PLXNA4: variants seen among roughly 807,000 people sequenced by gnomAD.
The protein encoded by PLXNA4 is plexin A4, also known as plexin-A4.
A neutral mutation model predicts 191.8 loss-of-function variants in PLXNA4; 44 were observed. The observed-to-expected ratio is 0.23, with a 90% CI of 0.18 to 0.29. The LOEUF (loss-of-function observed/expected upper bound fraction) is 0.29, where lower values mean the gene tolerates loss of function less well. Ranked by LOEUF, PLXNA4 falls within the 10% of genes least tolerant of loss-of-function variation. The probability of loss-of-function intolerance (pLI) is 1.00; values close to 1 mark genes in which losing one functional copy is unlikely to be tolerated. For missense variants in PLXNA4, 1,800 were observed against 2,488.8 expected, an observed-to-expected ratio of 0.72 and a Z score of 5.89; for synonymous variants, 1,082 against 1,009.5, an observed-to-expected ratio of 1.07 and a Z score of -1.36.
chr7:132,198,373 C>A, intron 13 of PLXNA4, 112 bp downstream of exon 13: 1 of 1,447,616 alleles, frequency 6.9e-7, no homozygotes, highest in Middle Eastern at 2.6e-4. Flanking sequence ...GGTGGTTCTC[C>A]TTTTTCCCCC....
rs1584943358 is a variant in PLXNA4, at chr7:132,283,624, C to T, written c.1503+14467G>A. On this transcript the variant is annotated intron_variant, in intron 4 of 31. Coordinates refer to ENST00000321063, the MANE Select transcript of PLXNA4 (RefSeq NM_020911.2). ...CACACAAAAAAAGAGAAACTTGGGTCAGGCCTACAGCCAGAGAGACTAGCC... is the reference window on the plus strand; with the variant it reads ...CACACAAAAAAAGAGAAACTTGGGTTAGGCCTACAGCCAGAGAGACTAGCC... Among the ~76,000 whole-genome samples, 5 of 152,260 alleles carry T rather than the reference C, an allele frequency of 3.3e-5. 1 individual carries two copies. The highest frequency in any genetic ancestry group is 3.3e-4 in the Admixed American group (5 of 15,300).
intron 3 of PLXNA4, among the ~76,000 whole-genome samples, chr7:132,314,798 T>C (rs759181932): frequency 2.0e-5 from 3 of 152,194 alleles, no homozygotes; most frequent in Non-Finnish European, 2.9e-5. Context: ...ATGGAAAGAC[T>C]TCTTTGTTCC....
At chr7:132,346,944 G>A (rs544555967) in intron 3 of PLXNA4, among the ~76,000 whole-genome samples, 1 of 152,316 alleles carries the variant, frequency 6.6e-6, no homozygotes, top group South Asian at 2.1e-4. Context: ...GTAGTGAGAG[G>A]ATGACATTAA....
intron 26 of PLXNA4, 24 bp from the exon 27 acceptor site, chr7:132,148,023 G>A (rs1463723838): frequency 1.9e-6 from 3 of 1,614,054 alleles, no homozygotes; most frequent in East Asian, 2.2e-5. Context: ...GCTTCTCAGG[G>A]CCTAGGCACA....
chr7:132,581,813 C>T (rs1415456515), upstream of PLXNA4, among the ~76,000 whole-genome samples: 3 of 152,200 alleles, frequency 2.0e-5, no homozygotes, highest in African/African-American at 7.2e-5. Flanking sequence ...GTCTTACTCC[C>T]CTTCCTCCCC....
intron 1 of PLXNA4, among the ~76,000 whole-genome samples, chr7:132,520,027 C>T (rs936426075): frequency 9.2e-5 from 14 of 152,174 alleles, no homozygotes; most frequent in African/African-American, 3.1e-4. Flanking sequence ...CCACAAACAG[C>T]CTTTGTGGAG....
chr7:132,132,440 C>A, intron 31 of PLXNA4, among the ~76,000 whole-genome samples: 1 of 64,826 alleles, frequency 1.5e-5, no homozygotes, highest in South Asian at 7.9e-4. Context: ...CTGTTCTGTT[C>A]TGTTCTGTTC....
chr7:132,604,554 T>A (rs562950107), intron 2 of PLXNA4, among the ~76,000 whole-genome samples: 5 of 152,274 alleles, frequency 3.3e-5, no homozygotes, highest in Admixed American at 6.5e-5. Context: ...AACAGTTGTT[T>A]TTCAATAAAC....
chr7:132,395,822 GAA>G (rs1793734527), intron 3 of PLXNA4, among the ~76,000 whole-genome samples: 2 of 152,254 alleles, frequency 1.3e-5, no homozygotes, highest in Admixed American at 6.5e-5. Flanking sequence ...AACAAATGAT[GAA>G]GCCAGTTAGC....
intron 1 of PLXNA4, among the ~76,000 whole-genome samples, chr7:132,527,431 G>A (rs1460254610): frequency 6.6e-6 from 1 of 150,678 alleles, no homozygotes; most frequent in Non-Finnish European, 1.5e-5. Flanking sequence ...AGCAGATGAG[G>A]AAAGTGAAGT....
chr7:132,209,798 C>T (rs1797736597), intron 10 of PLXNA4, among the ~76,000 whole-genome samples: 1 of 152,140 alleles, frequency 6.6e-6, no homozygotes, highest in African/African-American at 2.4e-5. Flanking sequence ...TGCCCAGGTG[C>T]AACTAGAAGA....
rs58311131 is a variant in PLXNA4, at chr7:132,365,360, T to TGCGC, written c.1372-67139_1372-67138insGCGC. ...GTGTGTGTGTGTGTGTGTGTGTGTG[T>TGCGC]GCGTGCGCGCGCATGCATGGGGCAA... On this transcript the variant is annotated intron_variant, in intron 3 of 31. Transcript: ENST00000321063. Among the ~76,000 whole-genome samples the TGCGC allele has an allele frequency of 1.0e-3, 134 of 128,820 alleles. 1 individual carries two copies. The highest frequency in any genetic ancestry group is 2.9e-3 in the African/African-American group (97 of 33,820). 84.5% of individuals were successfully genotyped at this position (128,820 alleles called of 152,430 possible).
intron 1 of PLXNA4, among the ~76,000 whole-genome samples, chr7:132,548,400 G>T (rs1484127355): frequency 6.6e-6 from 1 of 152,188 alleles, no homozygotes; most frequent in Non-Finnish European, 1.5e-5. Context: ...CCACCATTTT[G>T]TATGTATTTG....
At chr7:132,332,568 G>T (rs111328619) in intron 3 of PLXNA4, among the ~76,000 whole-genome samples, 2,184 of 152,242 alleles carry the variant, frequency 0.014, 64 homozygotes, top group African/African-American at 0.05. Flanking sequence ...TATTCCATGG[G>T]CTGGGCGTGG....
intron 2 of PLXNA4, among the ~76,000 whole-genome samples, chr7:132,636,474 G>A (rs182185436): frequency 1.3e-5 from 2 of 152,318 alleles, no homozygotes; most frequent in Admixed American, 6.5e-5. Flanking sequence ...CATCAAGGAA[G>A]AGCCCCCCCA....
At chr7:132,188,998 GAGAGAGAGAGAGAGA>G (rs1796986921) in intron 14 of PLXNA4, among the ~76,000 whole-genome samples, 2 of 50,986 alleles carry the variant, frequency 3.9e-5, no homozygotes, top group African/African-American at 7.0e-5. Flanking sequence ...GGAAAGGAGA[GAGAGAGAGAGAGAGA>G]GAGAGAGAGA....
intron 2 of PLXNA4, among the ~76,000 whole-genome samples, chr7:132,609,464 C>T (rs1246194879): frequency 6.6e-6 from 1 of 152,138 alleles, no homozygotes; most frequent in Non-Finnish European, 1.5e-5. Flanking sequence ...GGGGAATTTG[C>T]CCTGGACCAG....
intron 21 of PLXNA4, among the ~76,000 whole-genome samples, chr7:132,169,617 A>G (rs1462854941): frequency 6.6e-6 from 1 of 152,216 alleles, no homozygotes; most frequent in African/African-American, 2.4e-5. Context: ...ATAGAATACC[A>G]TTTAAATAAA....
chr7:132,514,359 T>C (rs931700693), intron 1 of PLXNA4, among the ~76,000 whole-genome samples: 2 of 152,166 alleles, frequency 1.3e-5, no homozygotes. Context: ...CCGGTGAGAC[T>C]TTTGTTTTAC....
Sources: allele counts gnomAD v4.1 joint callset (sites outside exome capture counted in the v4.1 genomes callset), GRCh38; gene constraint gnomAD v4.1.1; transcripts MANE v1.5; gene names NCBI Gene and HGNC (gene_info 2026-07-23, HGNC 2026-07-21).